Variants in DSCAML1 observed in about 807,000 individuals in gnomAD.
DSCAML1 encodes the protein DS cell adhesion molecule like 1, also known as cell adhesion molecule DSCAML1.
DSCAML1 carries 38 observed loss-of-function variants against 200.5 expected under a neutral mutation model. That is an observed-to-expected ratio of 0.19 (90% CI 0.15 to 0.25). The LOEUF is 0.25. Ranked by LOEUF, DSCAML1 falls within the 10% of genes least tolerant of loss-of-function variation. The pLI is 1.00. For missense variants in DSCAML1, 2,223 were observed against 2,858.8 expected (o/e 0.78, Z 5.07); for synonymous variants, 1,215 against 1,165.0 (o/e 1.04, Z -0.87).
At chr11:117,453,991 C>G (rs2048330722) in intron 19 of DSCAML1, among the ~76,000 whole-genome samples, 10 of 152,132 alleles carry the variant, frequency 6.6e-5, no homozygotes, top group Admixed American at 6.5e-4. Context: ...ATCGACCCGC[C>G]TCAGCCTCCC....
At chr11:117,554,488 C>T (rs988859812) in intron 3 of DSCAML1, among the ~76,000 whole-genome samples, 2 of 152,124 alleles carry the variant, frequency 1.3e-5, no homozygotes, top group African/African-American at 2.4e-5. Context: ...TCAAGGGATT[C>T]TCCTGCCTCA....
chr11:117,517,667 G>A (rs2049799710), intron 7 of DSCAML1, among the ~76,000 whole-genome samples: 1 of 152,190 alleles, frequency 6.6e-6, no homozygotes, highest in South Asian at 2.1e-4. Context: ...CGGCAACCAG[G>A]GGTGCCCCTG....
At chr11:117,596,007 C>T (rs1354567706) in intron 3 of DSCAML1, among the ~76,000 whole-genome samples, 1 of 152,124 alleles carries the variant, frequency 6.6e-6, no homozygotes, top group Non-Finnish European at 1.5e-5. Context: ...TGATGAATGA[C>T]CACATTCAGC....
At chr11:117,728,382 T>A (rs1307168380) in intron 3 of DSCAML1, among the ~76,000 whole-genome samples, 1 of 152,230 alleles carries the variant, frequency 6.6e-6, no homozygotes, top group East Asian at 1.9e-4. Context: ...AAAACGAGGA[T>A]GTCCATCCTC....
chr11:117,811,843 A>G (rs1040659836), intron 1 of DSCAML1, among the ~76,000 whole-genome samples: 19 of 152,098 alleles, frequency 1.2e-4, no homozygotes, highest in East Asian at 5.8e-4. Flanking sequence ...CCCCTTCTTA[A>G]TCAATACGGA....
At chr11:117,670,019 T>C (rs1454778157) in intron 3 of DSCAML1, among the ~76,000 whole-genome samples, 2 of 152,238 alleles carry the variant, frequency 1.3e-5, no homozygotes, top group Admixed American at 1.3e-4. Flanking sequence ...ACTTTCTGGC[T>C]CCTAAGTTTT....
upstream of DSCAML1, among the ~76,000 whole-genome samples, chr11:117,799,919 G>A (rs557767075): frequency 6.6e-6 from 1 of 152,350 alleles, no homozygotes; most frequent in East Asian, 1.9e-4. Flanking sequence ...GGAGGGAACA[G>A]CTCCACTGGG....
intron 31 of DSCAML1, 48 bp downstream of exon 31, chr11:117,431,486 G>A (rs747065943): frequency 2.0e-6 from 3 of 1,470,310 alleles, no homozygotes; most frequent in African/African-American, 2.8e-5. Context: ...GTGAATGATG[G>A]GGAACTGGGG....
chr11:117,472,047 G>A lies in DSCAML1; in HGVS notation c.2786-11C>T, dbSNP rs552023963. ...TGAAGTCCCAGGAATCTGGAGAGAA[G>A]ACACCTATGTCAAAGCATGGCCAGG... On this transcript the variant is annotated splice_polypyrimidine_tract_variant and intron_variant, in intron 14 of 32. Transcript: ENST00000651296. The A allele has an allele frequency of 6.8e-6, 11 of 1,613,224 alleles. No individual in the cohort carries two copies. Among genetic ancestry groups the A allele is most frequent in the African/African-American group, 1.3e-5 (1 of 75,018 alleles).
At chr11:117,473,576 A>G (rs2048729622) in intron 14 of DSCAML1, among the ~76,000 whole-genome samples, 1 of 152,156 alleles carries the variant, frequency 6.6e-6, no homozygotes, top group Non-Finnish European at 1.5e-5. Flanking sequence ...ACCAGAAGAC[A>G]ATGTCCCAGG....
In DSCAML1 at chr11:117,482,158, C is replaced by T. The variant is rs564080843; in HGVS notation, c.2364G>A (p.Pro788=). 40 of 1,613,886 alleles carry T rather than the reference C, an allele frequency of 2.5e-5. No individual in the cohort carries two copies. Among genetic ancestry groups the T allele is most frequent in the Admixed American group, 1.0e-4 (6 of 59,992 alleles). ...SKSMFLTVKI[P]AMITSHPNTT... is the part of the protein sequence containing the mutation. The stretch of plus-strand genomic sequence containing the variant: ...TGTTGGGGTGGGAAGTGATCATGGC[C>T]GGGACTGGGGGGCGGAGGCAGAGAA... The change falls in exon 12 of 33, where the codon CCG becomes CCA. Residue 788 remains proline, a synonymous_variant. Coordinates refer to ENST00000651296, the MANE Select transcript of DSCAML1 (RefSeq NM_020693.4).
chr11:117,652,108 G>C (rs2052645505), intron 3 of DSCAML1, among the ~76,000 whole-genome samples: 1 of 152,172 alleles, frequency 6.6e-6, no homozygotes, highest in African/African-American at 2.4e-5. Context: ...GCAAACCCTT[G>C]GGCCACACTG....
chr11:117,510,680 C>G (rs547084876), intron 8 of DSCAML1, among the ~76,000 whole-genome samples: 17 of 152,266 alleles, frequency 1.1e-4, no homozygotes, highest in African/African-American at 4.1e-4. Flanking sequence ...GGATTTTTGT[C>G]TATTTTGAGC....
intron 11 of DSCAML1, among the ~76,000 whole-genome samples, chr11:117,501,757 C>T (rs2049400265): frequency 6.6e-6 from 1 of 152,064 alleles, no homozygotes; most frequent in Admixed American, 6.5e-5. Flanking sequence ...ATCAGAGGTG[C>T]CCTGAGCGGG....
chr11:117,470,130 T>A (rs1367242546), intron 15 of DSCAML1, 150 bp from the exon 16 acceptor site: 2 of 574,986 alleles, frequency 3.5e-6, no homozygotes, highest in South Asian at 1.0e-4. Flanking sequence ...TTTGTTTGAG[T>A]TCCCCTGAAA....
At chr11:117,435,248 C>T (rs1396186038) in intron 27 of DSCAML1, among the ~76,000 whole-genome samples, 2 of 152,208 alleles carry the variant, frequency 1.3e-5, no homozygotes, top group Non-Finnish European at 2.9e-5. Flanking sequence ...CTAGAGACTA[C>T]CTGCAGGTCT....
At chr11:117,545,014 G>C (rs117059297) in intron 3 of DSCAML1, among the ~76,000 whole-genome samples, 12 of 151,966 alleles carry the variant, frequency 7.9e-5, no homozygotes, top group Non-Finnish European at 1.5e-4. Flanking sequence ...GGTGGATCAC[G>C]ATGTCGGGAG....
chr11:117,443,773 G>T, intron 21 of DSCAML1, 113 bp downstream of exon 21: 1 of 1,437,212 alleles, frequency 7.0e-7, no homozygotes, highest in East Asian at 2.3e-5. Flanking sequence ...GTTCCTCACA[G>T]CTGGGTGGCA....
At chr11:117,441,853 C>T (rs146017686) in intron 21 of DSCAML1, among the ~76,000 whole-genome samples, 117 of 152,180 alleles carry the variant, frequency 7.7e-4, no homozygotes, top group African/African-American at 2.6e-3. Context: ...GGCCTCCATG[C>T]GGGGGCGGTG....
Sources: gnomAD v4.1 joint callset for allele counts (sites outside exome capture counted in the v4.1 genomes callset) on GRCh38, gnomAD v4.1.1 for gene constraint, MANE v1.5 for transcripts, NCBI Gene and HGNC (gene_info 2026-07-23, HGNC 2026-07-21) for gene names.